The following DCC variants were observed in gnomAD, a reference collection of about 807,000 sequenced individuals.
The protein encoded by DCC is netrin receptor DCC.
A neutral mutation model predicts 172.5 loss-of-function variants in DCC; 58 were observed. The ratio of observed to expected loss-of-function variants is 0.34; its 90% CI spans 0.27 to 0.42. The LOEUF is 0.42. Among genes scored for constraint, DCC ranks in the 10% least tolerant of loss-of-function variants. DCC has a pLI of 1.00. For missense variants in DCC, 1,740 were observed against 1,791.0 expected (o/e 0.97, Z 0.51); for synonymous variants, 709 against 644.5 (o/e 1.10, Z -1.52).
chr18:52,960,433 G>C (rs2040823869), intron 5 of DCC, among the ~76,000 whole-genome samples: 1 of 151,862 alleles, frequency 6.6e-6, no homozygotes, highest in Non-Finnish European at 1.5e-5. Context: ...GTTGCTTTAG[G>C]CCTGCTGTCT....
At chr18:53,359,013 T>C (rs755211432) in intron 15 of DCC, among the ~76,000 whole-genome samples, 1 of 152,182 alleles carries the variant, frequency 6.6e-6, no homozygotes, top group Non-Finnish European at 1.5e-5. Flanking sequence ...GAATTTTGAC[T>C]TAAAGATAAA....
intron 27 of DCC, among the ~76,000 whole-genome samples, chr18:53,515,904 T>C (rs1311580617): frequency 1.3e-5 from 2 of 152,076 alleles, no homozygotes; most frequent in Non-Finnish European, 2.9e-5. Flanking sequence ...AATGCCATCC[T>C]CATCAAGCTA....
chr18:53,398,325 A>G (rs975197442), intron 18 of DCC, among the ~76,000 whole-genome samples: 2 of 152,168 alleles, frequency 1.3e-5, no homozygotes, highest in East Asian at 1.9e-4. Context: ...TTAGAGTTCT[A>G]GTGAGAATAT....
chr18:52,823,092 C>A (rs956144532), intron 2 of DCC, among the ~76,000 whole-genome samples: 5 of 152,202 alleles, frequency 3.3e-5, no homozygotes, highest in African/African-American at 9.7e-5. Context: ...TATTCTCAGG[C>A]TATTCCAACA....
intron 24 of DCC, among the ~76,000 whole-genome samples, chr18:53,464,043 T>A (rs1177984777): frequency 6.6e-6 from 1 of 152,194 alleles, no homozygotes; most frequent in Admixed American, 6.5e-5. Context: ...CACTAAAATA[T>A]CTAGGAATTA....
chr18:53,527,731 TAAAGGAGATTCAA>T (rs977518692), intron 28 of DCC, among the ~76,000 whole-genome samples: 35 of 152,000 alleles, frequency 2.3e-4, no homozygotes, highest in African/African-American at 8.2e-4. Context: ...AAATGCACTG[TAAAGGAGATTCAA>T]AAAGACATTG....
chr18:52,927,069 A>G lies in DCC; in HGVS notation c.985+1699A>G, dbSNP rs1351878417. Reference sequence around the variant, plus strand: ...TACATATATATACACATATATACACACATATATGTGTATATACACGTATAT... The same window carrying G: ...TACATATATATACACATATATACACGCATATATGTGTATATACACGTATAT... On this transcript the variant is annotated intron_variant, in intron 5 of 28. Coordinates refer to ENST00000442544, the MANE Select transcript of DCC (RefSeq NM_005215.4). Among the ~76,000 whole-genome samples the G allele has an allele frequency of 8.9e-4, 81 of 90,848 alleles. 14 individuals are homozygous for G. Among genetic ancestry groups the G allele is most frequent in the African/African-American group, 2.4e-3 (60 of 25,104 alleles). The allele number at this position is 90,848 out of a possible 152,430, so 59.6% of individuals were successfully genotyped here. A position where few individuals can be genotyped will look rare whatever the true frequency, so the allele number is the denominator to read the frequency against.
intron 15 of DCC, among the ~76,000 whole-genome samples, chr18:53,354,614 GT>G (rs926403861): frequency 6.6e-6 from 1 of 151,822 alleles, no homozygotes; most frequent in African/African-American, 2.4e-5. Context: ...GGGCTTCTTT[GT>G]TTTTTTCTTG....
chr18:52,726,849 T>C (rs1424009692), intron 1 of DCC, among the ~76,000 whole-genome samples: 1 of 152,208 alleles, frequency 6.6e-6, no homozygotes, highest in Non-Finnish European at 1.5e-5. Context: ...ATGTATAAGC[T>C]ATTCTACATA....
intron 1 of DCC, among the ~76,000 whole-genome samples, chr18:52,708,441 C>CAA (rs10605224): frequency 2.2e-5 from 3 of 136,202 alleles, no homozygotes; most frequent in African/African-American, 8.1e-5. Context: ...GACTCTGTCT[C>CAA]AAAAAAAAAA....
intron 1 of DCC, among the ~76,000 whole-genome samples, chr18:52,341,606 GC>G (rs1252481611): frequency 9.9e-5 from 15 of 152,054 alleles, no homozygotes; most frequent in African/African-American, 3.4e-4. Flanking sequence ...CCTGGCACTT[GC>G]CTAGCTCAGT....
intron 1 of DCC, among the ~76,000 whole-genome samples, chr18:52,681,645 G>A (rs2144991835): frequency 6.6e-6 from 1 of 152,184 alleles, no homozygotes; most frequent in South Asian, 2.1e-4. Context: ...TTCTGACTTG[G>A]TTTTGGAACT....
intron 1 of DCC, among the ~76,000 whole-genome samples, chr18:52,710,232 G>A (rs986872057): frequency 1.1e-4 from 17 of 152,140 alleles, no homozygotes; most frequent in African/African-American, 1.4e-4. Context: ...CAGTATAATC[G>A]TAAGACAGAA....
intron 2 of DCC, among the ~76,000 whole-genome samples, chr18:52,860,102 C>T (rs1000294518): frequency 7.9e-5 from 12 of 152,158 alleles, no homozygotes; most frequent in African/African-American, 2.9e-4. Flanking sequence ...TAATAAGAGG[C>T]ATTTCTATGG....
At chr18:53,216,183 C>T (rs563746731) in intron 12 of DCC, among the ~76,000 whole-genome samples, 13 of 152,260 alleles carry the variant, frequency 8.5e-5, no homozygotes, top group African/African-American at 2.9e-4. Context: ...GCTGAAGTAG[C>T]CTAATGCCAG....
chr18:52,765,710 T>G (rs929531395), intron 2 of DCC, among the ~76,000 whole-genome samples: 2 of 152,168 alleles, frequency 1.3e-5, no homozygotes, highest in African/African-American at 4.8e-5. Flanking sequence ...TTGTCTTAGC[T>G]TCCCTAGGCA....
chr18:52,768,922 C>T (rs140697240), intron 2 of DCC, among the ~76,000 whole-genome samples: 70 of 152,214 alleles, frequency 4.6e-4, no homozygotes, highest in Middle Eastern at 3.4e-3. Context: ...TATCTGTGGC[C>T]ATTTGATATC....
At chr18:53,217,262 T>TAC (rs36226906) in intron 12 of DCC, among the ~76,000 whole-genome samples, 6,944 of 133,236 alleles carry the variant, frequency 0.052, 235 homozygotes, top group East Asian at 0.14. Flanking sequence ...ATATATATTA[T>TAC]ACACACACAC....
intron 15 of DCC, among the ~76,000 whole-genome samples, chr18:53,347,348 T>C (rs151120610): frequency 0.011 from 1,683 of 152,202 alleles, 19 homozygotes; most frequent in Non-Finnish European, 0.014. Flanking sequence ...GGGATTTTGG[T>C]TTTTGGGGGG....
Sources: gnomAD v4.1 joint callset for allele counts (sites outside exome capture counted in the v4.1 genomes callset) on GRCh38, gnomAD v4.1.1 for gene constraint, MANE v1.5 for transcripts, NCBI Gene and HGNC (gene_info 2026-07-23, HGNC 2026-07-21) for gene names.